The following NRXN3 variants were observed in gnomAD, a reference collection of about 807,000 sequenced individuals.
NRXN3 encodes the protein neurexin III.
In NRXN3, 32 loss-of-function variants were observed where a neutral mutation model predicts 137.6. The observed-to-expected ratio is 0.23, with a 90% confidence interval of 0.18 to 0.31. NRXN3 has a LOEUF of 0.31. Ranked by LOEUF, NRXN3 falls within the 10% of genes least tolerant of loss-of-function variation. The pLI is 1.00. For missense variants in NRXN3, 1,574 were observed against 2,062.5 expected, an observed-to-expected ratio of 0.76 and a Z score of 4.59; for synonymous variants, 798 against 784.5, an observed-to-expected ratio of 1.02 and a Z score of -0.29.
intron 11 of NRXN3, among the ~76,000 whole-genome samples, chr14:78,965,225 G>A (rs556343347): frequency 6.6e-6 from 1 of 152,260 alleles, no homozygotes; most frequent in East Asian, 1.9e-4. Context: ...AGTTCTAAGG[G>A]TGGTCCCTAA....
At chr14:79,777,662 A>C (rs1217861660) in intron 19 of NRXN3, among the ~76,000 whole-genome samples, 1 of 152,034 alleles carries the variant, frequency 6.6e-6, no homozygotes, top group African/African-American at 2.4e-5. Context: ...ATTTATTCAC[A>C]AACACTGGAA....
intron 4 of NRXN3, among the ~76,000 whole-genome samples, chr14:78,355,819 A>G (rs964703954): frequency 6.6e-6 from 1 of 152,204 alleles, no homozygotes; most frequent in South Asian, 2.1e-4. Flanking sequence ...TCTTTAATAC[A>G]TGATTGGTTA....
At chr14:79,539,218 G>C (rs2097248420) in intron 16 of NRXN3, among the ~76,000 whole-genome samples, 1 of 152,046 alleles carries the variant, frequency 6.6e-6, no homozygotes, top group South Asian at 2.1e-4. Context: ...ATTTTTAGCA[G>C]AGACTGGGTT....
intron 1 of NRXN3, among the ~76,000 whole-genome samples, chr14:78,208,521 T>G (rs1200386456): frequency 1.3e-5 from 2 of 152,372 alleles, no homozygotes; most frequent in East Asian, 3.9e-4. Context: ...ATGCCTCCTC[T>G]CTGAGGCCAT....
chr14:78,671,102 G>A (rs2097929762), intron 6 of NRXN3, among the ~76,000 whole-genome samples: 1 of 152,174 alleles, frequency 6.6e-6, no homozygotes, highest in South Asian at 2.1e-4. Context: ...GCTTAAAAGG[G>A]AAAATTAGTG....
At chr14:79,233,926 T>G (rs1433206272) in intron 15 of NRXN3, among the ~76,000 whole-genome samples, 4 of 152,018 alleles carry the variant, frequency 2.6e-5, no homozygotes, top group Non-Finnish European at 5.9e-5. Flanking sequence ...TTTGACTTAA[T>G]GAAAGGCCTG....
At chr14:78,691,698 T>A (rs1602504266) in intron 6 of NRXN3, among the ~76,000 whole-genome samples, 1 of 152,282 alleles carries the variant, frequency 6.6e-6, no homozygotes, top group African/African-American at 2.4e-5. Flanking sequence ...TCTTGAGATA[T>A]GCTGTTAGTA....
At chr14:79,715,875 A>C (rs896184696) in intron 19 of NRXN3, among the ~76,000 whole-genome samples, 2 of 152,250 alleles carry the variant, frequency 1.3e-5, no homozygotes, top group African/African-American at 4.8e-5. Context: ...TGTTCCCGCC[A>C]AAGGAAATAG....
intron 15 of NRXN3, among the ~76,000 whole-genome samples, chr14:79,049,496 A>G (rs1595377673): frequency 6.6e-6 from 1 of 152,294 alleles, no homozygotes; most frequent in African/African-American, 2.4e-5. Flanking sequence ...AACCCCATAA[A>G]GCCATCTACG....
intron 8 of NRXN3, among the ~76,000 whole-genome samples, chr14:78,730,766 TA>T (rs1391547056): frequency 1.3e-5 from 2 of 152,188 alleles, no homozygotes; most frequent in Non-Finnish European, 2.9e-5. Flanking sequence ...ACCAGGTGGC[TA>T]AAATATGGCT....
Position 78,966,170 on chromosome 14 carries a change from C to G in NRXN3, c.2541C>G (p.Asp847Glu), listed in dbSNP as rs2099417013. The stretch of plus-strand genomic sequence containing the variant: ...TGTTTAATGGCCTTCTCTACATTGA[C>G]TTGTGCAAAAATGGTGACATTGATT... ...SLMFNGLLYI[D>E]LCKNGDIDYC... is the part of the protein sequence containing the mutation. The change falls in exon 12 of 21, where the codon GAC (aspartate) becomes GAG (glutamate). Residue 847 changes from aspartate (D) to glutamate (E), a missense_variant. Physicochemically the swap from Asp to Glu is conservative, Grantham distance 45. Coordinates refer to ENST00000335750, the MANE Select transcript of NRXN3 (RefSeq NM_001330195.2). The G allele has an allele frequency of 1.2e-6, 2 of 1,614,076 alleles. No homozygotes were observed. The highest frequency in any genetic ancestry group is 1.7e-6 in the Non-Finnish European group (2 of 1,180,034).
At chr14:78,649,664 A>G (rs913918015) in intron 5 of NRXN3, among the ~76,000 whole-genome samples, 1 of 150,154 alleles carries the variant, frequency 6.7e-6, no homozygotes, top group Admixed American at 6.7e-5. Context: ...ACAGAGATTT[A>G]TAGTGAGAAC....
intron 3 of NRXN3, among the ~76,000 whole-genome samples, chr14:78,284,008 A>G (rs1288827679): frequency 6.6e-6 from 1 of 152,228 alleles, no homozygotes; most frequent in Non-Finnish European, 1.5e-5. Context: ...GGGGACAATA[A>G]GAGAACCTAC....
intron 1 of NRXN3, among the ~76,000 whole-genome samples, chr14:78,221,759 G>T (rs1181080732): frequency 6.6e-6 from 1 of 152,122 alleles, no homozygotes; most frequent in Non-Finnish European, 1.5e-5. Context: ...TGACCTGTTG[G>T]AACTGGTGGG....
chr14:78,547,168 A>T (rs1395670994), intron 4 of NRXN3, among the ~76,000 whole-genome samples: 2 of 151,378 alleles, frequency 1.3e-5, no homozygotes, highest in Non-Finnish European at 1.5e-5. Context: ...ATAATGTCTG[A>T]TATCTATGAA....
chr14:79,080,878 T>C (rs1340002613), intron 15 of NRXN3, among the ~76,000 whole-genome samples: 2 of 152,202 alleles, frequency 1.3e-5, no homozygotes, highest in African/African-American at 4.8e-5. Context: ...GATTTAGTGG[T>C]CCAAACACAG....
chr14:79,133,879 A>C (rs1469768060), intron 15 of NRXN3, among the ~76,000 whole-genome samples: 1 of 151,234 alleles, frequency 6.6e-6, no homozygotes, highest in Non-Finnish European at 1.5e-5. Context: ...CAGTGAGCAG[A>C]GATCGTGCTG....
rs1568501252 is a variant in NRXN3, at chr14:79,864,748, GTTTT to G, written c.*2787_*2790del. On this transcript the variant is annotated 3_prime_UTR_variant, in exon 21 of 21. Coordinates refer to ENST00000335750, the MANE Select transcript of NRXN3 (RefSeq NM_001330195.2). ...TGTTTGTTTTTGTTTTTTGTTTTTCGTTTTTTGTTTGTTTTTTTTTTGAGACAGA... is the reference window on the plus strand; with the variant it reads ...TGTTTGTTTTTGTTTTTTGTTTTTCGTTGTTTGTTTTTTTTTTGAGACAGA... The G allele has an allele frequency of 6.6e-6, 1 of 151,622 alleles. No homozygotes were observed. Among genetic ancestry groups the G allele is most frequent in the African/African-American group, 2.4e-5 (1 of 41,262 alleles). The allele number at this position is 151,622 out of a possible 1,614,324, so 9.4% of individuals were successfully genotyped here.
chr14:78,297,950 G>T, intron 4 of NRXN3, 90 bp downstream of exon 4: 1 of 1,456,298 alleles, frequency 6.9e-7, no homozygotes, highest in Non-Finnish European at 9.3e-7. Flanking sequence ...GTCACTGGCA[G>T]GCCATTCGCT....
Sources: allele counts gnomAD v4.1 joint callset (sites outside exome capture counted in the v4.1 genomes callset), GRCh38; gene constraint gnomAD v4.1.1; transcripts MANE v1.5; gene names NCBI Gene and HGNC (gene_info 2026-07-23, HGNC 2026-07-21).